HHAT: variants seen among roughly 807,000 people sequenced by gnomAD.
HHAT encodes the protein protein-cysteine N-palmitoyltransferase HHAT.
Under a neutral mutation model 70.8 loss-of-function variants are expected in HHAT, and 47 were observed. The ratio of observed to expected loss-of-function variants is 0.66; its 90% CI spans 0.53 to 0.85. HHAT has a LOEUF of 0.85. Among genes scored for constraint, HHAT ranks in the 40% least tolerant of loss-of-function variants. HHAT has a pLI of 0.00. For synonymous variants in HHAT, 228 were observed against 247.6 expected, an observed-to-expected ratio of 0.92 and a Z score of 0.74; for missense variants, 609 against 604.8, an observed-to-expected ratio of 1.01 and a Z score of -0.07.
At chr1:210,538,354 G>A (rs891548954) in intron 9 of HHAT, among the ~76,000 whole-genome samples, 2 of 152,074 alleles carry the variant, frequency 1.3e-5, no homozygotes, top group African/African-American at 2.4e-5. Context: ...CCAAGTCTCA[G>A]AGGAAAAGCA....
intron 8 of HHAT, among the ~76,000 whole-genome samples, chr1:210,467,326 T>C (rs946618716): frequency 1.3e-5 from 2 of 152,220 alleles, no homozygotes; most frequent in South Asian, 2.1e-4. Context: ...GTCTCTTTTG[T>C]GTGATTTGCA....
chr1:210,374,435 CT>C (rs2090009926), intron 3 of HHAT, among the ~76,000 whole-genome samples: 1 of 152,160 alleles, frequency 6.6e-6, no homozygotes, highest in Non-Finnish European at 1.5e-5. Flanking sequence ...TTCTTTTAAG[CT>C]TTAAATAATT....
chr1:210,665,118 G>A (rs1045053738), intron 11 of HHAT, among the ~76,000 whole-genome samples: 2 of 152,186 alleles, frequency 1.3e-5, no homozygotes, highest in Admixed American at 6.5e-5. Flanking sequence ...GGCTGTGTGG[G>A]CTGTTACATG....
chr1:210,415,708 G>A (rs948289791), intron 6 of HHAT, among the ~76,000 whole-genome samples: 4 of 151,930 alleles, frequency 2.6e-5, no homozygotes, highest in African/African-American at 9.7e-5. Flanking sequence ...ACCCAGGGTG[G>A]AGCGCAGTGG....
chr1:210,477,752 G>C (rs924449385), intron 8 of HHAT, among the ~76,000 whole-genome samples: 1 of 152,152 alleles, frequency 6.6e-6, no homozygotes, highest in Non-Finnish European at 1.5e-5. Flanking sequence ...GAGTGATTGC[G>C]AGGCAGTCAG....
chr1:210,529,705 G>A (rs933063632), intron 9 of HHAT, among the ~76,000 whole-genome samples: 1 of 152,132 alleles, frequency 6.6e-6, no homozygotes, highest in Non-Finnish European at 1.5e-5. Context: ...AGCAAGGATG[G>A]CAGAGAGACA....
chr1:210,501,021 A>G (rs2094743083), intron 8 of HHAT, among the ~76,000 whole-genome samples: 1 of 152,214 alleles, frequency 6.6e-6, no homozygotes, highest in Non-Finnish European at 1.5e-5. Flanking sequence ...CCATGCTGGT[A>G]AAATGTAAAC....
chr1:210,580,941 A>G (rs1289884170), intron 9 of HHAT, among the ~76,000 whole-genome samples: 1 of 152,198 alleles, frequency 6.6e-6, no homozygotes, highest in African/African-American at 2.4e-5. Context: ...CATTCCCACC[A>G]ATAGTGTGAA....
At chr1:210,607,355 G>A (rs951354293) in intron 10 of HHAT, among the ~76,000 whole-genome samples, 1 of 122,204 alleles carries the variant, frequency 8.2e-6, no homozygotes, top group Admixed American at 9.2e-5. Context: ...TGAGTCTTGT[G>A]AAGGCATCAG....
At chr1:210,335,954 C>G (rs1299507784) in intron 1 of HHAT, among the ~76,000 whole-genome samples, 1 of 152,036 alleles carries the variant, frequency 6.6e-6, no homozygotes, top group African/African-American at 2.4e-5. Flanking sequence ...TCTTGTGACA[C>G]AAAGCTGAGC....
At chr1:210,556,580 C>A (rs2148697563) in intron 9 of HHAT, among the ~76,000 whole-genome samples, 1 of 152,290 alleles carries the variant, frequency 6.6e-6, no homozygotes, top group African/African-American at 2.4e-5. Context: ...CCTGCTGATA[C>A]ACAAATATAC....
At chr1:210,532,306 A>G (rs549094420) in intron 9 of HHAT, among the ~76,000 whole-genome samples, 48 of 152,316 alleles carry the variant, frequency 3.2e-4, no homozygotes, top group African/African-American at 1.1e-3. Flanking sequence ...GTTGTAATAA[A>G]ATGCAGATAT....
chr1:210,600,217 G>A (rs1388806883), intron 10 of HHAT, among the ~76,000 whole-genome samples: 2 of 152,098 alleles, frequency 1.3e-5, no homozygotes, highest in Non-Finnish European at 2.9e-5. Flanking sequence ...AGCCTCATAA[G>A]GTCAGAAATA....
chr1:210,556,156 G>A (rs1002878590), intron 9 of HHAT, among the ~76,000 whole-genome samples: 7 of 151,976 alleles, frequency 4.6e-5, no homozygotes, highest in African/African-American at 1.7e-4. Context: ...GTCTCCAGCA[G>A]CAAGGGACAT....
At chr1:210,374,853 T>A (rs963538344) in intron 3 of HHAT, among the ~76,000 whole-genome samples, 2 of 151,780 alleles carry the variant, frequency 1.3e-5, no homozygotes, top group Admixed American at 1.3e-4. Context: ...TGTGTGACGC[T>A]GAGGTTGAGG....
chr1:210,573,419 G>A (rs573761513), intron 9 of HHAT, among the ~76,000 whole-genome samples: 1 of 152,290 alleles, frequency 6.6e-6, no homozygotes, highest in South Asian at 2.1e-4. Context: ...GTATTGTCGG[G>A]AAAGTTAACC....
chr1:210,527,959 G>A (rs957737100), intron 9 of HHAT, among the ~76,000 whole-genome samples: 3 of 152,142 alleles, frequency 2.0e-5, no homozygotes, highest in East Asian at 1.9e-4. Context: ...CACTCTAAAC[G>A]CATGAACCCA....
intron 3 of HHAT, among the ~76,000 whole-genome samples, chr1:210,374,763 CTTTTTT>C (rs34145775): frequency 3.6e-5 from 5 of 140,426 alleles, no homozygotes; most frequent in Non-Finnish European, 6.2e-5. Flanking sequence ...AGTGGGGAAT[CTTTTTT>C]TTTTTTTTTT....
At chr1:210,570,987 CCTT>C (rs1656147486) in intron 9 of HHAT, among the ~76,000 whole-genome samples, 1 of 152,202 alleles carries the variant, frequency 6.6e-6, no homozygotes, top group African/African-American at 2.4e-5. Flanking sequence ...TCTCTCCTGG[CCTT>C]CTCATTTAGG....
Sources: allele counts gnomAD v4.1 joint callset (sites outside exome capture counted in the v4.1 genomes callset), GRCh38; gene constraint gnomAD v4.1.1; transcripts MANE v1.5; gene names NCBI Gene and HGNC (gene_info 2026-07-23, HGNC 2026-07-21).